Variants in AKAP13 observed in about 807,000 individuals in gnomAD.
The protein encoded by AKAP13 is A-kinase anchor protein 13.
A neutral mutation model predicts 264.5 loss-of-function variants in AKAP13; 80 were observed. That is an observed-to-expected ratio of 0.30 (90% confidence interval 0.25 to 0.36). The LOEUF is 0.36. AKAP13 is among the 10% of genes least tolerant of loss of function. The probability of loss-of-function intolerance (pLI) is 1.00; values close to 1 mark genes in which losing one functional copy is unlikely to be tolerated. For missense variants in AKAP13, 3,712 were observed against 3,435.2 expected (o/e 1.08, Z -2.01); for synonymous variants, 1,380 against 1,250.2 (o/e 1.10, Z -2.19).
intron 4 of AKAP13, among the ~76,000 whole-genome samples, chr15:85,541,316 T>C (rs2077574381): frequency 6.6e-6 from 1 of 152,136 alleles, no homozygotes; most frequent in Non-Finnish European, 1.5e-5. Flanking sequence ...GATGGGGAAA[T>C]AGAAGGAAGA....
chr15:85,405,298 T>A (rs1442802225), intron 1 of AKAP13, among the ~76,000 whole-genome samples: 1 of 152,250 alleles, frequency 6.6e-6, no homozygotes, highest in Admixed American at 6.5e-5. Flanking sequence ...AACTGGGTAG[T>A]TTAAAAGACC....
chr15:85,618,095 T>A (rs1480213535), intron 8 of AKAP13, among the ~76,000 whole-genome samples: 1 of 152,226 alleles, frequency 6.6e-6, no homozygotes, highest in Non-Finnish European at 1.5e-5. Flanking sequence ...TAAAACCTTA[T>A]GGCTTTTATT....
At chr15:85,507,896 T>G (rs765844515) in intron 2 of AKAP13, among the ~76,000 whole-genome samples, 3 of 152,250 alleles carry the variant, frequency 2.0e-5, no homozygotes, top group Non-Finnish European at 2.9e-5. Flanking sequence ...TTCAGTGTGC[T>G]TCTTCTGAGA....
At chr15:85,586,039 C>G (rs371634579) in intron 8 of AKAP13, among the ~76,000 whole-genome samples, 2 of 152,164 alleles carry the variant, frequency 1.3e-5, no homozygotes, top group African/African-American at 4.8e-5. Context: ...TGGGCTGTTA[C>G]ATGTTTTCTT....
chr15:85,584,984 G>C (rs921321977), intron 7 of AKAP13, among the ~76,000 whole-genome samples: 3 of 152,152 alleles, frequency 2.0e-5, no homozygotes, highest in Non-Finnish European at 4.4e-5. Flanking sequence ...TCCTGTATTT[G>C]CTTGACCATG....
chr15:85,516,564 C>T (rs576766186), intron 2 of AKAP13, among the ~76,000 whole-genome samples: 1 of 152,288 alleles, frequency 6.6e-6, no homozygotes, highest in East Asian at 1.9e-4. Flanking sequence ...TGTCTTATAG[C>T]AAGACCTCCA....
Position 85,748,936 on chromosome 15 carries a change from C to T in AKAP13, c.*4259C>T, listed in dbSNP as rs1190446049. ...TCGTCACCACCTGAGGGCATGAGCACAGGCCATGGGGCGTGCCTGGTGAGT... is the reference window on the plus strand; with the variant it reads ...TCGTCACCACCTGAGGGCATGAGCATAGGCCATGGGGCGTGCCTGGTGAGT... On this transcript the variant is annotated 3_prime_UTR_variant, in exon 37 of 37. Transcript: ENST00000394518. 1.3e-5 allele frequency: 2 copies of T among 152,464 alleles called. No individual in the cohort carries two copies. Among genetic ancestry groups the T allele is most frequent in the East Asian group, 1.9e-4 (1 of 5,178 alleles). The allele number at this position is 152,464 out of a possible 1,614,324, so 9.4% of individuals were successfully genotyped here.
At chr15:85,395,766 C>T (rs1320763621) in intron 1 of AKAP13, among the ~76,000 whole-genome samples, 1 of 151,344 alleles carries the variant, frequency 6.6e-6, no homozygotes, top group Non-Finnish European at 1.5e-5. Flanking sequence ...TTGATTTTTC[C>T]GTATTGTCTT....
At chr15:85,721,209 G>A (rs534988476) in intron 23 of AKAP13, among the ~76,000 whole-genome samples, 164 of 152,292 alleles carry the variant, frequency 1.1e-3, no homozygotes, top group Admixed American at 3.1e-3. Context: ...TGCTCGTTCT[G>A]TGTGCCAGTG....
chr15:85,520,223 C>T (rs953810862), intron 2 of AKAP13, among the ~76,000 whole-genome samples: 37 of 151,826 alleles, frequency 2.4e-4, no homozygotes, highest in Admixed American at 1.9e-3. Context: ...CGGCTGGGTA[C>T]GGTGGCTTAC....
In AKAP13 at chr15:85,579,591, T is replaced by C. The variant is rs778670635; in HGVS notation, c.1523T>C (p.Phe508Ser). The C allele has an allele frequency of 6.2e-7, 1 of 1,614,058 alleles. No individual in the cohort carries two copies. The highest frequency in any genetic ancestry group is 1.1e-5 in the South Asian group (1 of 91,086). ...LQGGESTKER[F>S]ENSNIGTAGA... is the part of the protein sequence containing the mutation. ...GGAGGGGAAAGTACAAAGGAAAGATTTGAGAACTCTAATATTGGCACAGCT... is the reference window on the plus strand; with the variant it reads ...GGAGGGGAAAGTACAAAGGAAAGATCTGAGAACTCTAATATTGGCACAGCT... The change falls in exon 7 of 37, where the codon TTT becomes TCT. Residue 508 changes from phenylalanine to serine, a missense_variant. By Grantham distance (155) the Phe-to-Ser change is radical (BLOSUM62 -2). Coordinates refer to ENST00000394518, the MANE Select transcript of AKAP13 (RefSeq NM_007200.5).
Position 85,748,150 on chromosome 15 carries a change from G to A in AKAP13, c.*3473G>A, listed in dbSNP as rs2089423985. On this transcript the variant is annotated 3_prime_UTR_variant, in exon 37 of 37. Coordinates refer to ENST00000394518, the MANE Select transcript of AKAP13 (RefSeq NM_007200.5). ...TAGCCAGGTCTTCCCAAGGATTTTAGTATTTGCATTGGAGTTGAGGTTTAC... is the reference window on the plus strand; with the variant it reads ...TAGCCAGGTCTTCCCAAGGATTTTAATATTTGCATTGGAGTTGAGGTTTAC... 1.3e-5 allele frequency: 2 copies of A among 152,212 alleles called. No homozygotes were observed. The highest frequency in any genetic ancestry group is 4.8e-5 in the African/African-American group (2 of 41,460). 9.4% of individuals were successfully genotyped at this position (152,212 alleles called of 1,614,324 possible). A position where few individuals can be genotyped will look rare whatever the true frequency, so the allele number is the denominator to read the frequency against.
intron 5 of AKAP13, among the ~76,000 whole-genome samples, chr15:85,562,630 T>C (rs2078431374): frequency 2.1e-5 from 3 of 145,176 alleles, no homozygotes; most frequent in Non-Finnish European, 4.5e-5. Flanking sequence ...TCTTAATCCT[T>C]GAGCCTCTGT....
chr15:85,514,166 C>T (rs1011820962), intron 2 of AKAP13, among the ~76,000 whole-genome samples: 4 of 137,342 alleles, frequency 2.9e-5, no homozygotes, highest in East Asian at 2.1e-4. Context: ...CATATGTTTG[C>T]GCAGTGATAA....
Position 85,645,927 on chromosome 15 carries a change from T to C in AKAP13, c.4347T>C (p.Asp1449=). The change falls in exon 10 of 37, where the codon GAT becomes GAC. Residue 1449 remains aspartate (D), a synonymous_variant. Coordinates refer to ENST00000394518, the MANE Select transcript of AKAP13 (RefSeq NM_007200.5). ...SDSDLFHSPS[D]DMDSIIFPKP... ...CTGACCTCTTTCACTCACCCAGTGA[T>C]GACATGGACAGCATCATCTTCCCAA... The C allele has an allele frequency of 1.2e-6, 2 of 1,613,942 alleles. No homozygotes were observed. Among genetic ancestry groups the C allele is most frequent in the Non-Finnish European group, 1.7e-6 (2 of 1,179,990 alleles).
chr15:85,719,828 T>C (rs898849564), intron 23 of AKAP13, among the ~76,000 whole-genome samples: 4 of 151,402 alleles, frequency 2.6e-5, no homozygotes, highest in African/African-American at 9.7e-5. Flanking sequence ...GATATAAGAA[T>C]CGCTTGAACC....
chr15:85,490,996 C>G (rs2075706284), intron 2 of AKAP13, among the ~76,000 whole-genome samples: 2 of 152,102 alleles, frequency 1.3e-5, no homozygotes, highest in South Asian at 4.1e-4. Flanking sequence ...TAGAAGTGTT[C>G]TAGCCCAAGG....
At chr15:85,735,290 T>C (rs1460801334) in intron 31 of AKAP13, 140 bp downstream of exon 31, 1 of 1,201,492 alleles carries the variant, frequency 8.3e-7, no homozygotes, top group South Asian at 1.5e-5. Context: ...CTCAAGAGCT[T>C]GTCAGTCAGA....
At chr15:85,613,691 A>ATAT (rs1555450578) in intron 8 of AKAP13, among the ~76,000 whole-genome samples, 6 of 91,968 alleles carry the variant, frequency 6.5e-5, no homozygotes, top group Non-Finnish European at 1.1e-4. Context: ...AAAAAAAAAA[A>ATAT]ATATATATAT....
Sources: allele counts gnomAD v4.1 joint callset (sites outside exome capture counted in the v4.1 genomes callset), GRCh38; gene constraint gnomAD v4.1.1; transcripts MANE v1.5; gene names NCBI Gene and HGNC (gene_info 2026-07-23, HGNC 2026-07-21).